The following ZFHX3 variants were observed in gnomAD, a reference collection of about 807,000 sequenced individuals.
The protein encoded by ZFHX3 is zinc finger homeobox 3.
A neutral mutation model predicts 279.1 loss-of-function variants in ZFHX3; 42 were observed. The ratio of observed to expected loss-of-function variants is 0.15; its 90% CI spans 0.12 to 0.19. The LOEUF (loss-of-function observed/expected upper bound fraction) is 0.19. Ranked by LOEUF, ZFHX3 falls within the 10% of genes least tolerant of loss-of-function variation. The pLI is 1.00. For missense variants in ZFHX3, 4,981 were observed against 4,754.0 expected (o/e 1.05, Z -1.40); for synonymous variants, 2,293 against 1,957.8 (o/e 1.17, Z -4.52).
intron 3 of ZFHX3, among the ~76,000 whole-genome samples, chr16:73,381,573 A>T (rs909250712): frequency 1.3e-5 from 2 of 152,208 alleles, no homozygotes; most frequent in Non-Finnish European, 2.9e-5. Flanking sequence ...TTTATTTTTA[A>T]AAAATGGGCT....
At chr16:73,481,636 T>C (rs1567497186) in intron 2 of ZFHX3, among the ~76,000 whole-genome samples, 1 of 141,828 alleles carries the variant, frequency 7.1e-6, no homozygotes, top group Non-Finnish European at 1.5e-5. Flanking sequence ...TGTTGTTTGT[T>C]TGTTTGTTTG....
chr16:73,588,452 C>T (rs924957184), intron 2 of ZFHX3, among the ~76,000 whole-genome samples: 8 of 150,532 alleles, frequency 5.3e-5, no homozygotes, highest in South Asian at 4.2e-4. Context: ...TTTGGGAGGC[C>T]GAGACAGGTG....
intron 3 of ZFHX3, among the ~76,000 whole-genome samples, chr16:72,925,201 TCGGTCG>T (rs1289575387): frequency 6.6e-6 from 1 of 152,100 alleles, no homozygotes; most frequent in Admixed American, 6.6e-5. Flanking sequence ...GCTATCGAAA[TCGGTCG>T]TGAGGCTGCC....
chr16:73,687,222 C>T (rs2053097906), intron 1 of ZFHX3, among the ~76,000 whole-genome samples: 1 of 148,762 alleles, frequency 6.7e-6, no homozygotes, highest in South Asian at 2.1e-4. Context: ...AACCCCATCT[C>T]TAAAAAAAAA....
At chr16:72,851,276 C>T (rs960503364) in intron 4 of ZFHX3, among the ~76,000 whole-genome samples, 6 of 152,106 alleles carry the variant, frequency 3.9e-5, no homozygotes, top group African/African-American at 4.8e-5. Context: ...AGGCCAAGAC[C>T]TCTGCAATCC....
At chr16:73,364,877 G>A (rs145234143) in intron 3 of ZFHX3, among the ~76,000 whole-genome samples, 98 of 152,250 alleles carry the variant, frequency 6.4e-4, no homozygotes, top group African/African-American at 2.2e-3. Flanking sequence ...TTTGCTTCCT[G>A]TGCCCCATTT....
intron 1 of ZFHX3, among the ~76,000 whole-genome samples, chr16:73,054,436 A>G (rs1258098704): frequency 1.8e-5 from 2 of 113,248 alleles, no homozygotes; most frequent in African/African-American, 6.9e-5. Flanking sequence ...TATGGAAACC[A>G]GGAGGATTTT....
At chr16:73,856,364 G>T (rs553134889) in intron 1 of ZFHX3, among the ~76,000 whole-genome samples, 1 of 152,072 alleles carries the variant, frequency 6.6e-6, no homozygotes, top group Non-Finnish European at 1.5e-5. Context: ...AAGGTTGGAC[G>T]CAGTAACAGT....
At chr16:73,723,762 TG>T (rs1241404537) in intron 1 of ZFHX3, among the ~76,000 whole-genome samples, 3 of 152,220 alleles carry the variant, frequency 2.0e-5, no homozygotes, top group African/African-American at 7.2e-5. Context: ...TGTCTTCAAA[TG>T]TAGGATAAAC....
At chr16:72,873,897 TTTAC>T (rs755728301) in intron 4 of ZFHX3, among the ~76,000 whole-genome samples, 12 of 152,192 alleles carry the variant, frequency 7.9e-5, no homozygotes, top group South Asian at 4.1e-4. Context: ...CGTAACACAG[TTTAC>T]TTAATCTTCT....
chr16:72,849,690 G>A (rs561035443), intron 4 of ZFHX3, among the ~76,000 whole-genome samples: 7 of 151,986 alleles, frequency 4.6e-5, no homozygotes, highest in East Asian at 1.9e-4. Context: ...TGTAACAAGC[G>A]TTCTTATTGG....
intron 1 of ZFHX3, among the ~76,000 whole-genome samples, chr16:73,885,666 C>G (rs1488228898): frequency 6.6e-6 from 1 of 152,136 alleles, no homozygotes; most frequent in East Asian, 1.9e-4. Flanking sequence ...ATAATAAAAG[C>G]ATTCCGTAAA....
intron 1 of ZFHX3, among the ~76,000 whole-genome samples, chr16:73,837,244 T>A (rs1486259992): frequency 6.6e-6 from 1 of 152,214 alleles, no homozygotes; most frequent in Non-Finnish European, 1.5e-5. Context: ...CTCATGTTAA[T>A]ATCTTTGGAA....
chr16:73,889,682 G>A lies in ZFHX3; in HGVS notation c.-1608+1969C>T, dbSNP rs1214799451. On this transcript the variant is annotated intron_variant, in intron 1 of 17. Coordinates refer to the ZFHX3 transcript ENST00000641206. The stretch of plus-strand genomic sequence containing the variant: ...ATGCTTAAAACACCCACTGCCTACC[G>A]GACCCCAGTGTATGGGTTAATTCTC... Among the ~76,000 whole-genome samples, 13 of 152,162 alleles carry A rather than the reference G, an allele frequency of 8.5e-5. No homozygotes were observed. The East Asian group carries it at 2.5e-3, about 29-fold the overall frequency.
At chr16:73,110,955 T>G (rs1966365255) in intron 7 of ZFHX3, among the ~76,000 whole-genome samples, 1 of 152,166 alleles carries the variant, frequency 6.6e-6, no homozygotes, top group Admixed American at 6.5e-5. Context: ...TTATGTTTTT[T>G]TTTGAGATGG....
At chr16:72,805,343 C>T (rs542966600) in intron 7 of ZFHX3, among the ~76,000 whole-genome samples, 8 of 152,212 alleles carry the variant, frequency 5.3e-5, no homozygotes, top group East Asian at 3.9e-4. Flanking sequence ...TTATTCCTAC[C>T]GCCTTGGCAT....
intron 2 of ZFHX3, among the ~76,000 whole-genome samples, chr16:73,583,532 G>A (rs1436394593): frequency 6.6e-6 from 1 of 152,024 alleles, no homozygotes; most frequent in East Asian, 1.9e-4. Flanking sequence ...ACATAATTTG[G>A]GATCATCAAA....
chr16:73,133,291 G>C (rs530439257), intron 6 of ZFHX3, among the ~76,000 whole-genome samples: 1 of 152,234 alleles, frequency 6.6e-6, no homozygotes, highest in African/African-American at 2.4e-5. Context: ...GGAGGCTGAG[G>C]TGGGTGGATC....
intron 2 of ZFHX3, among the ~76,000 whole-genome samples, chr16:73,625,061 T>C (rs2052402638): frequency 6.6e-6 from 1 of 152,246 alleles, no homozygotes; most frequent in South Asian, 2.1e-4. Flanking sequence ...AAAAGAGTCA[T>C]TTTTATTTTA....
Sources: allele counts gnomAD v4.1 joint callset (sites outside exome capture counted in the v4.1 genomes callset), GRCh38; gene constraint gnomAD v4.1.1; transcripts MANE v1.5; gene names NCBI Gene and HGNC (gene_info 2026-07-23, HGNC 2026-07-21).